The following USP43 variants were observed in gnomAD, a reference collection of about 807,000 sequenced individuals.
USP43 encodes the protein ubiquitin specific peptidase 43.
A neutral mutation model predicts 90.7 loss-of-function variants in USP43; 33 were observed. The observed-to-expected ratio is 0.36, with a 90% CI of 0.28 to 0.49. The LOEUF (loss-of-function observed/expected upper bound fraction) is 0.49, where lower values mean the gene tolerates loss of function less well. Ranked by LOEUF, USP43 falls within the 20% of genes least tolerant of loss-of-function variation. USP43 has a pLI of 0.98. For missense variants in USP43, 1,274 were observed against 1,476.4 expected (o/e 0.86, Z 2.25); for synonymous variants, 598 against 615.8 (o/e 0.97, Z 0.43).
chr17:9,646,272 T>C (rs1911391654), intron 1 of USP43, 136 bp downstream of exon 1: 1 of 1,188,462 alleles, frequency 8.4e-7, no homozygotes, highest in Non-Finnish European at 1.1e-6. Flanking sequence ...TTACCGGCTT[T>C]GTTTTGAGTC....
chr17:9,701,375 G>A lies in USP43; in HGVS notation c.1686G>A (p.Lys562=). Residue 562 remains lysine (K), a synonymous_variant, in exon 12 of 15, where the codon AAG becomes AAA. Transcript: ENST00000285199. The surrounding 1 kb of genome is among the most constrained non-coding windows in gnomAD (Gnocchi z 7.2). The part of the protein sequence containing the change: ...EEQLAQDDAW[K]CPHCQVLQQG... ...AGCTGGCCCAGGATGACGCCTGGAA[G>A]TGTCCTCACTGCCAAGTCCTGCAGC... 1 of 1,600,574 alleles carries A rather than the reference G, an allele frequency of 6.2e-7. No homozygotes were observed. The highest frequency in any genetic ancestry group is 8.5e-7 in the Non-Finnish European group (1 of 1,173,862).
chr17:9,708,791 C>A (rs373627020), intron 12 of USP43, among the ~76,000 whole-genome samples: 1 of 152,060 alleles, frequency 6.6e-6, no homozygotes, highest in Non-Finnish European at 1.5e-5. Context: ...CTACGCCCAG[C>A]TAATTTTTTG....
rs780121861 is a variant in USP43 at position 9,728,317 on chromosome 17, G to A, written c.2699G>A (p.Cys900Tyr). Residue 900 changes from cysteine (C) to tyrosine (Y), a missense_variant, in exon 15 of 15, where the codon TGT becomes TAT. By Grantham distance (194) the Cys-to-Tyr change is radical (BLOSUM62 -2). Around this residue, in one of 6 missense-constraint regions of USP43, gnomAD observed 353 missense variants for 329.7 expected, o/e 1.07. Transcript: ENST00000285199. The surrounding 1 kb of genome is among the most constrained non-coding windows in gnomAD (Gnocchi z 6.2). ...TGTCCCTCGGCTCAACCCAACCACT[G>A]TCTGGCCCCTGGAAACTCAGATGGT... ...VPCPSAQPNH[C>Y]LAPGNSDGPN... 4 of 1,612,592 alleles carry A rather than the reference G, an allele frequency of 2.5e-6. No individual in the cohort carries two copies. Among genetic ancestry groups the A allele is most frequent in the Non-Finnish European group, 3.4e-6 (4 of 1,179,418 alleles).
chr17:9,655,553 A>G (rs1460435642), intron 1 of USP43, among the ~76,000 whole-genome samples: 1 of 152,252 alleles, frequency 6.6e-6, no homozygotes, highest in Admixed American at 6.5e-5. Flanking sequence ...GCAGAAAATG[A>G]CAAAGGTGCT....
At position 9,712,049 on chromosome 17, in the gene USP43, C is replaced by A. The variant is rs1916229316; in HGVS notation, c.2252C>A (p.Ser751Tyr). The A allele has an allele frequency of 6.2e-7, 1 of 1,612,788 alleles. No individual in the cohort carries two copies. The highest frequency in any genetic ancestry group is 1.3e-5 in the African/African-American group (1 of 74,896). The change falls in exon 14 of 15, where the codon TCC becomes TAC. Residue 751 changes from serine (S) to tyrosine (Y), a missense_variant. Transcript: ENST00000285199. ...GGCAGCACAAGGGGAAGCCTGCTGTCCTGGAGCTCTGCCCCCTGCCCCTCC... is the reference window on the plus strand; with the variant it reads ...GGCAGCACAAGGGGAAGCCTGCTGTACTGGAGCTCTGCCCCCTGCCCCTCC... ...HAGSTRGSLL[S>Y]WSSAPCPSLP...
rs538436333 is a variant in USP43, at chr17:9,727,893, G to C, written c.2336-61G>C. On this transcript the variant is annotated intron_variant, in intron 14 of 14. Coordinates refer to ENST00000285199, the MANE Select transcript of USP43 (RefSeq NM_153210.5). ...CATCAGAGGTGCTCAGTGAACGTTA[G>C]ATGACTGGCATTTCAGCTGTAGGGT... 21 of 1,532,498 alleles carry C rather than the reference G, an allele frequency of 1.4e-5. No individual in the cohort carries two copies. In the South Asian group the frequency reaches 2.7e-4, roughly 20 times the overall value. 94.9% of individuals were successfully genotyped at this position (1,532,498 alleles called of 1,614,324 possible). A position where few individuals can be genotyped will look rare whatever the true frequency, so the allele number is the denominator to read the frequency against.
chr17:9,689,329 G>C (rs1914789352), intron 8 of USP43, among the ~76,000 whole-genome samples: 1 of 151,990 alleles, frequency 6.6e-6, no homozygotes, highest in African/African-American at 2.4e-5. Flanking sequence ...TTGAGAACAG[G>C]AAAGTTTCTT....
Position 9,646,116 on chromosome 17 carries a change from C to A in USP43, c.484C>A (p.Gln162Lys), listed in dbSNP as rs867911990. ...GCTCTGGACTCGCGAATACACGCCC[C>A]AACTTTCCGCGGAGTTCAAGGTAGG... ...RALWTREYTP[Q>K]LSAEFKNAVS... The change falls in exon 1 of 15, where the codon CAA becomes AAA. Residue 162 changes from glutamine to lysine, a missense_variant. Transcript: ENST00000285199. 6.8e-7 allele frequency: 1 copy of A among 1,481,472 alleles called. No homozygotes were observed. The highest frequency in any genetic ancestry group is 8.9e-7 in the Non-Finnish European group (1 of 1,118,196). 91.8% of individuals were successfully genotyped at this position (1,481,472 alleles called of 1,614,324 possible). A position where few individuals can be genotyped will look rare whatever the true frequency, so the allele number is the denominator to read the frequency against.
At chr17:9,664,898 A>G (rs563844946) in intron 2 of USP43, among the ~76,000 whole-genome samples, 1 of 152,254 alleles carries the variant, frequency 6.6e-6, no homozygotes, top group East Asian at 1.9e-4. Flanking sequence ...CGGTCTCCCA[A>G]AGTGCTGGGA....
At chr17:9,715,919 ATG>A (rs1328750403) in intron 14 of USP43, among the ~76,000 whole-genome samples, 2 of 125,768 alleles carry the variant, frequency 1.6e-5, no homozygotes, top group Non-Finnish European at 3.4e-5. Flanking sequence ...ATCTGTGTAT[ATG>A]TGTCTGTGTG....
In USP43 at chr17:9,728,229, G is replaced by C; in HGVS notation, c.2611G>C (p.Ala871Pro). ...EKSASPRSNV[A>P]LPANSEDGGR... Reference sequence around the variant, plus strand: ...GTCAGCATCGCCGAGGTCCAACGTCGCCCTTCCTGCTAACAGCGAAGATGG... The same window carrying C: ...GTCAGCATCGCCGAGGTCCAACGTCCCCCTTCCTGCTAACAGCGAAGATGG... The change falls in exon 15 of 15, where the codon GCC becomes CCC. Residue 871 changes from alanine to proline, a missense_variant. Transcript: ENST00000285199. This position sits in a 1 kb window ranked among gnomAD's most constrained non-coding sequence, Gnocchi z 6.2. The C allele has an allele frequency of 6.2e-7, 1 of 1,613,856 alleles. No homozygotes were observed. Among genetic ancestry groups the C allele is most frequent in the East Asian group, 2.2e-5 (1 of 44,866 alleles).
At chr17:9,726,945 C>T (rs1917302807) in intron 14 of USP43, among the ~76,000 whole-genome samples, 1 of 151,996 alleles carries the variant, frequency 6.6e-6, no homozygotes, top group Admixed American at 6.6e-5. Flanking sequence ...TTTAATGGTA[C>T]AGTGACTGAT....
chr17:9,645,767 GC>G lies in USP43; in HGVS notation c.139del (p.Arg47GlyfsTer57), dbSNP rs1161559541. 1 of 1,392,610 alleles carries G rather than the reference GC, an allele frequency of 7.2e-7. No individual in the cohort carries two copies. Among genetic ancestry groups the G allele is most frequent in the Non-Finnish European group, 9.2e-7 (1 of 1,081,244 alleles). The allele number at this position is 1,392,610 out of a possible 1,614,324, so 86.3% of individuals were successfully genotyped here. ...GSRSRPGDSP[P>X]RPQPGHCDGD... is the part of the protein sequence containing the mutation. ...GCCGCTCACGCCCCGGGGACTCACC[GC>G]CCCGGCCCCAGCCGGGACACTGTGA... On this transcript the variant is annotated frameshift_variant, in exon 1 of 15. Coordinates refer to ENST00000285199, the MANE Select transcript of USP43 (RefSeq NM_153210.5). LOFTEE classifies it high-confidence loss of function. The surrounding 1 kb of genome is among the most constrained non-coding windows in gnomAD (Gnocchi z 6.8).
intron 14 of USP43, among the ~76,000 whole-genome samples, chr17:9,715,969 ATGTG>A (rs532624704): frequency 7.5e-6 from 1 of 133,062 alleles, no homozygotes; most frequent in Non-Finnish European, 1.6e-5. Context: ...ATCTGTGTAT[ATGTG>A]TGTGTGTCTG....
chr17:9,704,815 T>A (rs1915785786), intron 12 of USP43, among the ~76,000 whole-genome samples: 1 of 151,158 alleles, frequency 6.6e-6, no homozygotes, highest in Non-Finnish European at 1.5e-5. Context: ...GGCGAGTGTG[T>A]GACCTCCACT....
At chr17:9,694,857 C>T (rs1464043348) in intron 9 of USP43, among the ~76,000 whole-genome samples, 1 of 151,948 alleles carries the variant, frequency 6.6e-6, no homozygotes, top group Non-Finnish European at 1.5e-5. Context: ...CTCCTGACCT[C>T]AAGTGATCCA....
rs772671418 is a variant in USP43 at position 9,701,144 on chromosome 17, C to T, written c.1561C>T (p.Arg521Ter). 11 of 1,492,054 alleles carry T rather than the reference C, an allele frequency of 7.4e-6. No individual in the cohort carries two copies. The highest frequency in any genetic ancestry group is 2.4e-5 in the East Asian group (1 of 41,538). The allele number at this position is 1,492,054 out of a possible 1,614,324, so 92.4% of individuals were successfully genotyped here. Residue 521 changes from arginine to a stop codon, truncating the protein, a stop_gained, in exon 11 of 15, where the codon CGA becomes TGA. Coordinates refer to ENST00000285199, the MANE Select transcript of USP43 (RefSeq NM_153210.5). LOFTEE classifies it high-confidence loss of function. This position sits in a 1 kb window ranked among gnomAD's most constrained non-coding sequence, Gnocchi z 7.2. Reference sequence around the variant, plus strand: ...CCTGTTCGGGAGCCTCCAGGAGGAGCGAGCGCAGGATGCCGACAGTGTGTG... The same window carrying T: ...CCTGTTCGGGAGCCTCCAGGAGGAGTGAGCGCAGGATGCCGACAGTGTGTG... ...ERLFGSLQEE[R>*]AQDADSVWQQ...
intron 9 of USP43, among the ~76,000 whole-genome samples, chr17:9,697,347 T>G (rs1450240453): frequency 6.6e-6 from 1 of 152,170 alleles, no homozygotes; most frequent in African/African-American, 2.4e-5. Flanking sequence ...AATTTTTTTT[T>G]TTAAGATTCA....
intron 2 of USP43, among the ~76,000 whole-genome samples, chr17:9,662,867 G>C (rs2151966442): frequency 6.7e-6 from 1 of 150,230 alleles, no homozygotes; most frequent in East Asian, 2.0e-4. Context: ...GCCCAGGCTG[G>C]AGTGCAGTGG....
Sources: allele counts gnomAD v4.1 joint callset (sites outside exome capture counted in the v4.1 genomes callset), GRCh38; gene constraint gnomAD v4.1.1; regional missense constraint gnomAD v4.1.1; non-coding constraint Gnocchi (gnomAD v3.1); transcripts MANE v1.5; gene names NCBI Gene and HGNC (gene_info 2026-07-23, HGNC 2026-07-21).